Variants in CDIP1 observed in about 807,000 individuals in gnomAD.
The protein encoded by CDIP1 is cell death-inducing p53-target protein 1.
In CDIP1, 9 loss-of-function variants were observed where a neutral mutation model predicts 17.7. That is an observed-to-expected ratio of 0.51 (90% confidence interval 0.31 to 0.89). CDIP1 has a LOEUF of 0.89. Among genes scored for constraint, CDIP1 ranks in the 40% least tolerant of loss-of-function variants. The probability of loss-of-function intolerance (pLI) is 0.05; values close to 1 mark genes in which losing one functional copy is unlikely to be tolerated. For synonymous variants in CDIP1, 117 were observed against 109.5 expected, an observed-to-expected ratio of 1.07 and a Z score of -0.43; for missense variants, 263 against 277.9, an observed-to-expected ratio of 0.95 and a Z score of 0.38.
chr16:4,517,862 G>A (rs1400464926), intron 1 of CDIP1, among the ~76,000 whole-genome samples: 1 of 152,136 alleles, frequency 6.6e-6, no homozygotes, highest in Non-Finnish European at 1.5e-5. Context: ...GGGAGAAGAG[G>A]GCAGCCTTTC....
In CDIP1 at chr16:4,512,411, G is replaced by C. The variant is rs535626892; in HGVS notation, c.*161C>G. On this transcript the variant is annotated 3_prime_UTR_variant, in exon 6 of 6. Transcript: ENST00000567695. This position sits in a 1 kb window ranked among gnomAD's most constrained non-coding sequence, Gnocchi z 4.6. The stretch of plus-strand genomic sequence containing the variant: ...TCCCAACAGAATTTTTGCCAGAAGA[G>C]TCAGCGGCTCAGGTAGGGCAGGGTG... The C allele has an allele frequency of 3.2e-4, 200 of 624,866 alleles. No homozygotes were observed. The highest frequency in any genetic ancestry group is 5.0e-4 in the East Asian group (18 of 36,360). 38.7% of individuals were successfully genotyped at this position (624,866 alleles called of 1,614,324 possible).
chr16:4,525,507 C>T (rs1020080411), intron 1 of CDIP1, among the ~76,000 whole-genome samples: 1 of 152,134 alleles, frequency 6.6e-6, no homozygotes, highest in Non-Finnish European at 1.5e-5. Context: ...CAAAAGGGAG[C>T]CCCTGCTGTG....
chr16:4,518,018 T>C lies in CDIP1; in HGVS notation c.-104-3354A>G, dbSNP rs1004680710. 3.6e-4 allele frequency among the ~76,000 whole-genome samples: 54 copies of C among 152,110 alleles called. 1 individual carries two copies. Among genetic ancestry groups the C allele is most frequent in the African/African-American group, 1.3e-3 (53 of 41,440 alleles). Reference sequence around the variant, plus strand: ...CCGTCCACCAAGTGGCCCAACACTGTGGTCTGCAGTGGTCTTGCTCATCGG... The same window carrying C: ...CCGTCCACCAAGTGGCCCAACACTGCGGTCTGCAGTGGTCTTGCTCATCGG... On this transcript the variant is annotated intron_variant, in intron 1 of 5. Transcript: ENST00000567695.
chr16:4,512,555 C>T lies in CDIP1; in HGVS notation c.*17G>A, dbSNP rs760413820. 2.5e-6 allele frequency: 4 copies of T among 1,587,536 alleles called. No individual in the cohort carries two copies. The South Asian group carries it at 4.4e-5, about 18-fold the overall frequency. On this transcript the variant is annotated 3_prime_UTR_variant, in exon 6 of 6. Coordinates refer to ENST00000567695, the MANE Select transcript of CDIP1 (RefSeq NM_013399.3). This position sits in a 1 kb window ranked among gnomAD's most constrained non-coding sequence, Gnocchi z 4.6. Reference sequence around the variant, plus strand: ...GGGCCAGACTGACAGGCGGGGGAGTCCCGAGTCCCAGCTCCGTTAGCACAG... The same window carrying T: ...GGGCCAGACTGACAGGCGGGGGAGTTCCGAGTCCCAGCTCCGTTAGCACAG...
intron 1 of CDIP1, among the ~76,000 whole-genome samples, chr16:4,530,740 T>G (rs947113612): frequency 3.3e-5 from 5 of 151,524 alleles, no homozygotes; most frequent in Admixed American, 2.0e-4. Context: ...CTTTGGGAAG[T>G]CAAGGCAGGA....
chr16:4,524,265 C>T (rs1032192909), intron 1 of CDIP1: 3 of 152,232 alleles, frequency 2.0e-5, no homozygotes, highest in Admixed American at 2.0e-4. Flanking sequence ...CAGATACCAC[C>T]ACCCATACAG....
At chr16:4,521,455 C>G (rs574042971) in intron 1 of CDIP1, among the ~76,000 whole-genome samples, 1 of 152,144 alleles carries the variant, frequency 6.6e-6, no homozygotes, top group South Asian at 2.1e-4. Context: ...GAGTGGCCTG[C>G]AAGTCTTGGA....
intron 1 of CDIP1, among the ~76,000 whole-genome samples, chr16:4,525,086 T>C (rs943983669): frequency 1.3e-5 from 2 of 151,836 alleles, no homozygotes; most frequent in Admixed American, 6.6e-5. Context: ...GGCAACAGAG[T>C]GAGACTCTAT....
chr16:4,535,136 T>C (rs910748520), intron 1 of CDIP1, among the ~76,000 whole-genome samples: 2 of 152,186 alleles, frequency 1.3e-5, no homozygotes, highest in Non-Finnish European at 2.9e-5. Context: ...TACTTCCACC[T>C]TTCTTGGCCT....
At position 4,513,016 on chromosome 16, in the gene CDIP1, G is replaced by C. The variant is rs753090107; in HGVS notation, c.290C>G (p.Pro97Arg). Residue 97 changes from proline to arginine, a missense_variant, in exon 5 of 6, where the codon CCA becomes CGA. Coordinates refer to ENST00000567695, the MANE Select transcript of CDIP1 (RefSeq NM_013399.3). The surrounding 1 kb of genome is among the most constrained non-coding windows in gnomAD (Gnocchi z 4.1). ...GPHPPMGYYP[P>R]GPYTPGPYPG... ...GTAGGGCCCTGGCGTGTAGGGCCCT[G>C]GGGGGTAGTAGCCCATGGGTGGGTG... 55 of 1,592,496 alleles carry C rather than the reference G, an allele frequency of 3.5e-5. No homozygotes were observed. The highest frequency in any genetic ancestry group is 4.7e-5 in the Non-Finnish European group (55 of 1,171,152).
chr16:4,534,703 T>G (rs868745235), intron 1 of CDIP1, among the ~76,000 whole-genome samples: 45 of 126,984 alleles, frequency 3.5e-4, no homozygotes, highest in South Asian at 9.0e-4. Flanking sequence ...TTTTTTTTTT[T>G]TTTTTTTTTT....
chr16:4,520,024 T>A (rs1371903177), intron 1 of CDIP1, among the ~76,000 whole-genome samples: 1 of 152,090 alleles, frequency 6.6e-6, no homozygotes. Flanking sequence ...TGTAAGGAGA[T>A]AAATTCCTCT....
intron 1 of CDIP1, among the ~76,000 whole-genome samples, chr16:4,529,246 A>G (rs2059030376): frequency 6.6e-6 from 1 of 152,214 alleles, no homozygotes; most frequent in Non-Finnish European, 1.5e-5. Flanking sequence ...TTGGAATGTA[A>G]TGACCTCACA....
Position 4,512,786 on chromosome 16 carries a change from C to G in CDIP1, c.515+5G>C. The stretch of plus-strand genomic sequence containing the variant: ...CCCCACCCTACCAGTGCCCACACCA[C>G]CTACCCCATGAAGCAACAGAAGAAA... On this transcript the variant is annotated splice_donor_5th_base_variant and intron_variant, in intron 5 of 5. Transcript: ENST00000567695. The surrounding 1 kb of genome is among the most constrained non-coding windows in gnomAD (Gnocchi z 4.6). The G allele has an allele frequency of 1.3e-6, 2 of 1,586,594 alleles. No homozygotes were observed. The highest frequency in any genetic ancestry group is 1.7e-6 in the Non-Finnish European group (2 of 1,166,080).
chr16:4,518,530 G>C (rs908574126), intron 1 of CDIP1, among the ~76,000 whole-genome samples: 9 of 152,132 alleles, frequency 5.9e-5, no homozygotes, highest in African/African-American at 2.2e-4. Context: ...GGCCATGCCT[G>C]CTACTCACTG....
intron 1 of CDIP1, among the ~76,000 whole-genome samples, chr16:4,527,182 G>A (rs1168511182): frequency 1.3e-5 from 2 of 151,974 alleles, no homozygotes; most frequent in African/African-American, 4.8e-5. Context: ...CCGCCTCCTG[G>A]GTTCACACCA....
Position 4,513,156 on chromosome 16 carries a change from G to A in CDIP1, c.242-92C>T, listed in dbSNP as rs528051293. ...GGCGCAAAGCCCCACGGTCCACAGC[G>A]CCCAGCGTGCAAGGCTACGCCTCAG... is the stretch of plus-strand genomic sequence containing the variant. On this transcript the variant is annotated intron_variant, in intron 4 of 5. Coordinates refer to ENST00000567695, the MANE Select transcript of CDIP1 (RefSeq NM_013399.3). This position sits in a 1 kb window ranked among gnomAD's most constrained non-coding sequence, Gnocchi z 4.1. The A allele has an allele frequency of 4.0e-5, 52 of 1,311,626 alleles. 1 individual carries two copies. In the African/African-American group the frequency reaches 4.8e-4, roughly 12 times the overall value. 81.2% of individuals were successfully genotyped at this position (1,311,626 alleles called of 1,614,324 possible).
intron 1 of CDIP1, among the ~76,000 whole-genome samples, chr16:4,528,096 C>T (rs374638099): frequency 2.0e-5 from 3 of 152,288 alleles, no homozygotes; most frequent in East Asian, 3.9e-4. Flanking sequence ...GAATTACAAG[C>T]ATGAGCCACC....
intron 1 of CDIP1, among the ~76,000 whole-genome samples, chr16:4,537,671 C>T (rs1454053168): frequency 6.6e-6 from 1 of 152,208 alleles, no homozygotes; most frequent in South Asian, 2.1e-4. Context: ...GGCAGCGCGA[C>T]GGAACTACAG....
Sources: gnomAD v4.1 joint callset for allele counts (sites outside exome capture counted in the v4.1 genomes callset) on GRCh38, gnomAD v4.1.1 for gene constraint, Gnocchi (gnomAD v3.1) non-coding constraint, MANE v1.5 for transcripts, NCBI Gene and HGNC (gene_info 2026-07-23, HGNC 2026-07-21) for gene names.